TPR: variants seen among roughly 807,000 people sequenced by gnomAD.
The protein encoded by TPR is translocated promoter region, nuclear basket protein.
In TPR, 51 loss-of-function variants were observed where a neutral mutation model predicts 316.1. The observed-to-expected ratio is 0.16, with a 90% CI of 0.13 to 0.20. The LOEUF is 0.20. Among genes scored for constraint, TPR ranks in the 10% least tolerant of loss-of-function variants. The pLI is 1.00. For missense variants in TPR, 2,272 were observed against 2,754.8 expected (o/e 0.82, Z 3.92); for synonymous variants, 981 against 914.7 (o/e 1.07, Z -1.31).
intron 34 of TPR, 78 bp downstream of exon 34, chr1:186,335,260 C>T (rs1658303850): frequency 1.3e-6 from 2 of 1,564,866 alleles, no homozygotes; most frequent in Admixed American, 3.6e-5. Context: ...CTGACAAAGG[C>T]TCCTATATCA....
intron 46 of TPR, among the ~76,000 whole-genome samples, chr1:186,319,615 C>T (rs1657714169): frequency 6.6e-6 from 1 of 152,046 alleles, no homozygotes; most frequent in Non-Finnish European, 1.5e-5. Context: ...AACTAATATC[C>T]TAAACAAGCA....
rs768933854 is a variant in TPR at position 186,367,989 on chromosome 1, T to C, written c.331-7A>G. The C allele has an allele frequency of 1.0e-5, 16 of 1,596,830 alleles. No individual in the cohort carries two copies. The highest frequency in any genetic ancestry group is 1.7e-4 in the Middle Eastern group (1 of 5,992). On this transcript the variant is annotated splice_polypyrimidine_tract_variant and splice_region_variant and intron_variant, in intron 3 of 50. Coordinates refer to ENST00000367478, the MANE Select transcript of TPR (RefSeq NM_003292.3). ...TTGTTCTTGTAAATTGGCTCTGTCA[T>C]ATAAAGAAGTAATAAGTAAGAAAAT...
chr1:186,336,844 T>A (rs1337672379), intron 32 of TPR, 150 bp from the exon 33 acceptor site: 3 of 1,324,064 alleles, frequency 2.3e-6, no homozygotes, highest in Non-Finnish European at 3.1e-6. Flanking sequence ...ACCAACTAAA[T>A]GCACACTTGA....
chr1:186,321,489 C>G (rs574981211), intron 45 of TPR, among the ~76,000 whole-genome samples: 10 of 152,178 alleles, frequency 6.6e-5, no homozygotes, highest in Non-Finnish European at 1.5e-4. Context: ...CTGCAACTTC[C>G]TTGCTGTCTG....
Position 186,318,720 on chromosome 1 carries a change from C to T in TPR, c.6664+13G>A. 1 of 1,613,794 alleles carries T rather than the reference C, an allele frequency of 6.2e-7. No homozygotes were observed. Among genetic ancestry groups the T allele is most frequent in the Non-Finnish European group, 8.5e-7 (1 of 1,179,936 alleles). On this transcript the variant is annotated intron_variant, in intron 47 of 50. Transcript: ENST00000367478. ...CAATAAAACAGAACCTACTATCTGC[C>T]TTTGATCCCTACCTGGGGCTGCTAC...
Position 186,350,375 on chromosome 1 carries a change from T to C in TPR, c.2624A>G (p.Asp875Gly). 1 of 1,600,144 alleles carries C rather than the reference T, an allele frequency of 6.2e-7. No individual in the cohort carries two copies. Among genetic ancestry groups the C allele is most frequent in the South Asian group, 1.1e-5 (1 of 88,482 alleles). ...CTCTGTATCCAGTTGTCTCTTTGTA[T>C]CTAAAAGTTGAACCTATAAAATACA... ...LTRNLDVQLL[D>G]TKRQLDTETN... Residue 875 changes from aspartate to glycine, a missense_variant, in exon 21 of 51, where the codon GAT (aspartate) becomes GGT (glycine). Asp to Gly is a moderately conservative substitution (Grantham distance 94). Transcript: ENST00000367478.
rs1478311094 is a variant in TPR, at chr1:186,361,658, C to T, written c.922G>A (p.Glu308Lys). The T allele has an allele frequency of 6.2e-7, 1 of 1,613,354 alleles. No individual in the cohort carries two copies. The highest frequency in any genetic ancestry group is 1.1e-5 in the South Asian group (1 of 91,062). ...AKSNELTRAV[E>K]ELHKLLKEAG... is the part of the protein sequence containing the mutation. ...TCTTTCAAAAGTTTGTGTAGTTCCT[C>T]TACTGCCCGGGTTAGTTCATTGCTC... The change falls in exon 9 of 51, where the codon GAG (glutamate) becomes AAG (lysine). Residue 308 changes from glutamate (E) to lysine (K), a missense_variant. Coordinates refer to ENST00000367478, the MANE Select transcript of TPR (RefSeq NM_003292.3).
At chr1:186,346,365 C>A in intron 22 of TPR, 78 bp from the exon 23 acceptor site, 1 of 1,367,100 alleles carries the variant, frequency 7.3e-7, no homozygotes, top group African/African-American at 1.5e-5. Context: ...CAAATCAAAA[C>A]TAATTTGAGA....
Position 186,351,366 on chromosome 1 carries a change from C to T in TPR, c.2574G>A (p.Glu858=), listed in dbSNP as rs1489464245. The T allele has an allele frequency of 6.2e-7, 1 of 1,612,184 alleles. No individual in the cohort carries two copies. The highest frequency in any genetic ancestry group is 1.3e-5 in the African/African-American group (1 of 74,834). ...ISHLKKKLEN[E]VEQRHTLTRN... ...TAGTAAGTGTATGCCTTTGTTCCACCTCATTTTCCAACTTCTTCTTTAGAT... is the reference window on the plus strand; with the variant it reads ...TAGTAAGTGTATGCCTTTGTTCCACTTCATTTTCCAACTTCTTCTTTAGAT... Residue 858 remains glutamate (E), a synonymous_variant, in exon 20 of 51, where the codon GAG becomes GAA. Coordinates refer to ENST00000367478, the MANE Select transcript of TPR (RefSeq NM_003292.3).
intron 36 of TPR, 96 bp from the exon 37 acceptor site, chr1:186,333,490 G>C: frequency 6.8e-7 from 1 of 1,469,740 alleles, no homozygotes; most frequent in East Asian, 2.3e-5. Flanking sequence ...CTTTCACACA[G>C]ATTTGGCACT....
At chr1:186,320,158 A>G (rs1385412586) in intron 46 of TPR, among the ~76,000 whole-genome samples, 154 bp downstream of exon 46, 1 of 152,258 alleles carries the variant, frequency 6.6e-6, no homozygotes, top group Non-Finnish European at 1.5e-5. Context: ...GCAGTGCTTA[A>G]TAAGTATACT....
At chr1:186,332,453 AT>A (rs755534531) in intron 37 of TPR, 110 bp from the exon 38 acceptor site, 15 of 1,102,246 alleles carry the variant, frequency 1.4e-5, no homozygotes, top group Non-Finnish European at 1.7e-5. Flanking sequence ...TAAACATTTA[AT>A]TGTACAGATT....
rs1190689605 is a variant in TPR at position 186,361,653 on chromosome 1, T to C, written c.927A>G (p.Glu309=). The change falls in exon 9 of 51, where the codon GAA becomes GAG. Residue 309 remains glutamate (E), a synonymous_variant. Coordinates refer to ENST00000367478, the MANE Select transcript of TPR (RefSeq NM_003292.3). ...KSNELTRAVE[E]LHKLLKEAGE... is the part of the protein sequence containing the mutation. ...CAGCTTCTTTCAAAAGTTTGTGTAG[T>C]TCCTCTACTGCCCGGGTTAGTTCAT... is the stretch of plus-strand genomic sequence containing the variant. The C allele has an allele frequency of 1.2e-6, 2 of 1,613,432 alleles. No homozygotes were observed. Among genetic ancestry groups the C allele is most frequent in the Admixed American group, 1.7e-5 (1 of 59,986 alleles).
intron 36 of TPR, among the ~76,000 whole-genome samples, chr1:186,334,010 A>G (rs746934185): frequency 4.6e-5 from 7 of 152,174 alleles, no homozygotes; most frequent in Non-Finnish European, 8.8e-5. Context: ...CAAAGTTGTA[A>G]TTGCTGTAAT....
Position 186,322,386 on chromosome 1 carries a change from G to C in TPR, c.6393C>G (p.Asp2131Glu). 6.2e-7 allele frequency: 1 copy of C among 1,613,416 alleles called. No homozygotes were observed. The highest frequency in any genetic ancestry group is 8.5e-7 in the Non-Finnish European group (1 of 1,179,804). Residue 2131 changes from aspartate to glutamate, a missense_variant, in exon 45 of 51, where the codon GAC (aspartate) becomes GAG (glutamate). Physicochemically the swap from Asp to Glu is conservative, Grantham distance 45. Coordinates refer to ENST00000367478, the MANE Select transcript of TPR (RefSeq NM_003292.3). ...GAGTTGGAGTACTTGGAACTGTTCT[G>C]TCTTCATCATCAAAAAAATGCTGTT... is the stretch of plus-strand genomic sequence containing the variant. ...GMQQHFFDDE[D>E]RTVPSTPTLV...
intron 4 of TPR, among the ~76,000 whole-genome samples, chr1:186,365,117 A>G (rs1183244244): frequency 9.3e-5 from 3 of 32,188 alleles, no homozygotes; most frequent in African/African-American, 1.1e-4. Context: ...TTTTTTTTGG[A>G]GACAGTCTCG....
chr1:186,326,143 A>T lies in TPR; in HGVS notation c.5982T>A (p.Ser1994Arg). 6.2e-7 allele frequency: 1 copy of T among 1,613,346 alleles called. No individual in the cohort carries two copies. The highest frequency in any genetic ancestry group is 8.5e-7 in the Non-Finnish European group (1 of 1,179,342). Residue 1994 changes from serine (S) to arginine (R), a missense_variant, in exon 41 of 51, where the codon AGT becomes AGA. By Grantham distance (110) the Ser-to-Arg change is moderately radical. Around this residue, in one of 10 missense-constraint regions of TPR, gnomAD observed 435 missense variants for 461.1 expected, o/e 0.94. Coordinates refer to ENST00000367478, the MANE Select transcript of TPR (RefSeq NM_003292.3). ...CTTCATAACCATCATTGCCATCGGCACTACCAGTTCCTTCATTACTATCTT... is the reference window on the plus strand; with the variant it reads ...CTTCATAACCATCATTGCCATCGGCTCTACCAGTTCCTTCATTACTATCTT... ...EGEDSNEGTG[S>R]ADGNDGYEAD... is the part of the protein sequence containing the mutation.
intron 9 of TPR, among the ~76,000 whole-genome samples, chr1:186,361,232 C>T (rs1252191075): frequency 6.6e-6 from 1 of 151,672 alleles, no homozygotes; most frequent in Non-Finnish European, 1.5e-5. Flanking sequence ...AAATATAATA[C>T]ATTGAAAAAA....
In TPR at chr1:186,357,455, C is replaced by T; in HGVS notation, c.1666G>A (p.Ala556Thr). Residue 556 changes from alanine (A) to threonine (T), a missense_variant, in exon 14 of 51, where the codon GCC becomes ACC. Physicochemically the swap from Ala to Thr is moderately conservative, Grantham distance 58 (BLOSUM62 0). Around this residue, in one of 10 missense-constraint regions of TPR, gnomAD observed 757 missense variants for 859.8 expected, o/e 0.88. Transcript: ENST00000367478. ...CTGGTTTCCCCAAGCTCTCTAAGGG[C>T]CACTAAGAGACGTTGATTTTGTTGT... The part of the protein sequence containing the change: ...LQQQNQRLLV[A>T]LRELGETRER... 1.9e-6 allele frequency: 3 copies of T among 1,614,038 alleles called. No individual in the cohort carries two copies. In the South Asian group the frequency reaches 3.3e-5, roughly 18 times the overall value.
Sources: allele counts gnomAD v4.1 joint callset (sites outside exome capture counted in the v4.1 genomes callset), GRCh38; gene constraint gnomAD v4.1.1; regional missense constraint gnomAD v4.1.1; transcripts MANE v1.5; gene names NCBI Gene and HGNC (gene_info 2026-07-23, HGNC 2026-07-21).